SLMAP: variants seen among roughly 807,000 people sequenced by gnomAD.
The protein encoded by SLMAP is sarcolemmal membrane-associated protein.
In SLMAP, 44 loss-of-function variants were observed where a neutral mutation model predicts 128.8. The observed-to-expected ratio is 0.34, with a 90% CI of 0.27 to 0.44. The LOEUF is 0.44. Ranked by LOEUF, SLMAP falls within the 20% of genes least tolerant of loss-of-function variation. The probability of loss-of-function intolerance (pLI) is 1.00; values close to 1 mark genes in which losing one functional copy is unlikely to be tolerated. For missense variants in SLMAP, 787 were observed against 985.3 expected (o/e 0.80, Z 2.69); for synonymous variants, 327 against 348.8 (o/e 0.94, Z 0.70).
At chr3:57,861,531 A>T (rs965887939) in intron 9 of SLMAP, among the ~76,000 whole-genome samples, 1 of 152,138 alleles carries the variant, frequency 6.6e-6, no homozygotes, top group Admixed American at 6.5e-5. Flanking sequence ...CTGTTGTGTG[A>T]TTAATTTGAT....
intron 2 of SLMAP, among the ~76,000 whole-genome samples, chr3:57,760,239 C>T (rs893940630): frequency 4.6e-5 from 7 of 152,196 alleles, no homozygotes; most frequent in African/African-American, 7.2e-5. Flanking sequence ...CACACCCGGC[C>T]ATGAAATTAG....
chr3:57,892,005 A>G (rs925817040), intron 15 of SLMAP, among the ~76,000 whole-genome samples: 2 of 152,206 alleles, frequency 1.3e-5, no homozygotes, highest in Non-Finnish European at 2.9e-5. Context: ...AATTATGGCA[A>G]ATAAGTCCAT....
chr3:57,867,919 T>TC (rs2095350405), intron 13 of SLMAP, among the ~76,000 whole-genome samples: 1 of 152,174 alleles, frequency 6.6e-6, no homozygotes, highest in Admixed American at 6.6e-5. Context: ...TCTTATCTAA[T>TC]AAGCATAAGC....
chr3:57,759,121 C>T (rs1380180832), intron 2 of SLMAP, among the ~76,000 whole-genome samples: 1 of 152,138 alleles, frequency 6.6e-6, no homozygotes, highest in East Asian at 1.9e-4. Flanking sequence ...CTGTGTGCTG[C>T]ATAATATCTA....
intron 4 of SLMAP, among the ~76,000 whole-genome samples, chr3:57,842,374 A>G (rs965513687): frequency 2.0e-5 from 3 of 152,150 alleles, no homozygotes; most frequent in Non-Finnish European, 2.9e-5. Context: ...CATATGAAGT[A>G]ATATCGTAAA....
chr3:57,777,143 A>G (rs2082112700), intron 2 of SLMAP, among the ~76,000 whole-genome samples: 1 of 151,798 alleles, frequency 6.6e-6, no homozygotes, highest in African/African-American at 2.4e-5. Flanking sequence ...ATATATACCT[A>G]ATGCTAAATG....
intron 2 of SLMAP, among the ~76,000 whole-genome samples, chr3:57,803,135 G>A (rs2088971712): frequency 6.6e-6 from 1 of 152,132 alleles, no homozygotes; most frequent in South Asian, 2.1e-4. Context: ...AAAACAGTGA[G>A]CATCTAAATA....
rs1409531494 is a variant in SLMAP at position 57,909,084 on chromosome 3, G to A, written c.1633G>A (p.Glu545Lys). Reference protein sequence around the residue: ...QKCFELQALLEEERKAYRNQV... With the variant: ...QKCFELQALLKEERKAYRNQV... ...TGTGTTTTTACTTTTAGCTCTTTTG[G>A]AAGAAGAAAGAAAAGCCTATCGAAA... Residue 545 changes from glutamate to lysine, a missense_variant, in exon 19 of 25, where the codon GAA becomes AAA. Glu to Lys is a moderately conservative substitution (Grantham distance 56). Transcript: ENST00000671191. The A allele has an allele frequency of 2.8e-5, 45 of 1,607,688 alleles. No homozygotes were observed. The highest frequency in any genetic ancestry group is 3.8e-5 in the Non-Finnish European group (45 of 1,175,812).
intron 14 of SLMAP, among the ~76,000 whole-genome samples, chr3:57,878,186 A>T (rs894421148): frequency 1.3e-5 from 2 of 152,150 alleles, no homozygotes; most frequent in African/African-American, 4.8e-5. Context: ...AACTGTTTTT[A>T]TGAAAAGGCA....
At chr3:57,912,759 T>G (rs2096727211) in intron 20 of SLMAP, 58 bp downstream of exon 20, 2 of 1,347,622 alleles carry the variant, frequency 1.5e-6, no homozygotes, top group Non-Finnish European at 2.0e-6. Flanking sequence ...ACTTCTTAAC[T>G]TGTTTAAAAA....
chr3:57,861,961 A>G lies in SLMAP; in HGVS notation c.841A>G (p.Asn281Asp). ...KLSEVERSLSNTEDECTHLKE... is the reference protein window; with the variant it reads ...KLSEVERSLSDTEDECTHLKE... ...ACTTGAATCGCAGCGAAGTCTGAGT[A>G]ATACTGAAGATGAATGTACCCATCT... is the stretch of plus-strand genomic sequence containing the variant. Residue 281 changes from asparagine (N) to aspartate (D), a missense_variant, in exon 10 of 25, where the codon AAT becomes GAT. Around this residue, in one of 2 missense-constraint regions of SLMAP, gnomAD observed 715 missense variants for 843.6 expected, o/e 0.85. Coordinates refer to ENST00000671191, the MANE Select transcript of SLMAP (RefSeq NM_001377540.1). 1 of 1,612,232 alleles carries G rather than the reference A, an allele frequency of 6.2e-7. No homozygotes were observed. The highest frequency in any genetic ancestry group is 1.1e-5 in the South Asian group (1 of 91,002).
chr3:57,787,734 C>G (rs1207612913), intron 2 of SLMAP, among the ~76,000 whole-genome samples: 1 of 152,186 alleles, frequency 6.6e-6, no homozygotes, highest in Non-Finnish European at 1.5e-5. Flanking sequence ...CCTCAGCCTC[C>G]CAAAAGTGCT....
intron 4 of SLMAP, among the ~76,000 whole-genome samples, chr3:57,844,528 G>T (rs994869274): frequency 6.6e-6 from 1 of 151,646 alleles, no homozygotes. Flanking sequence ...TCATACTTCA[G>T]AATATACTTA....
intron 2 of SLMAP, among the ~76,000 whole-genome samples, chr3:57,792,493 CA>C (rs893604531): frequency 1.3e-5 from 2 of 151,812 alleles, no homozygotes; most frequent in African/African-American, 4.8e-5. Context: ...TAGGTTTTAA[CA>C]GTTAGGTTTT....
intron 21 of SLMAP, among the ~76,000 whole-genome samples, chr3:57,915,973 G>A (rs61282155): frequency 0.3 from 45,620 of 151,808 alleles, 7,163 homozygotes; most frequent in East Asian, 0.5. Flanking sequence ...CCTGACCAAC[G>A]TGGAGAAACC....
intron 17 of SLMAP, chr3:57,900,061 G>A (rs1281116124): frequency 2.6e-5 from 4 of 152,156 alleles, no homozygotes; most frequent in African/African-American, 9.7e-5. Context: ...TCTCTTAAAA[G>A]TATAAATTAC....
chr3:57,776,343 G>T (rs2081926203), intron 2 of SLMAP, among the ~76,000 whole-genome samples: 1 of 152,026 alleles, frequency 6.6e-6, no homozygotes, highest in African/African-American at 2.4e-5. Context: ...AGACTTTGTG[G>T]TTCTTATCTG....
At chr3:57,764,059 T>C (rs1266175236) in intron 2 of SLMAP, among the ~76,000 whole-genome samples, 2 of 152,152 alleles carry the variant, frequency 1.3e-5, no homozygotes, top group Non-Finnish European at 2.9e-5. Context: ...CTATCTTGTA[T>C]AAAGTAGTTG....
chr3:57,787,619 G>C (rs2084512286), intron 2 of SLMAP, among the ~76,000 whole-genome samples: 1 of 152,158 alleles, frequency 6.6e-6, no homozygotes, highest in South Asian at 2.1e-4. Flanking sequence ...GGGATTACAG[G>C]CATGCGCCAC....
Sources: allele counts gnomAD v4.1 joint callset (sites outside exome capture counted in the v4.1 genomes callset), GRCh38; gene constraint gnomAD v4.1.1; regional missense constraint gnomAD v4.1.1; transcripts MANE v1.5; gene names NCBI Gene and HGNC (gene_info 2026-07-23, HGNC 2026-07-21).